Variants in AUTS2 observed in about 807,000 individuals in gnomAD.
AUTS2 encodes autism susceptibility gene 2 protein.
Under a neutral mutation model 112.4 loss-of-function variants are expected in AUTS2, and 17 were observed. That is an observed-to-expected ratio of 0.15 (90% CI 0.10 to 0.23). The LOEUF (loss-of-function observed/expected upper bound fraction) is 0.23. Ranked by LOEUF, AUTS2 falls within the 10% of genes least tolerant of loss-of-function variation. AUTS2 has a pLI of 1.00. For missense variants in AUTS2, 1,510 were observed against 1,701.6 expected (o/e 0.89, Z 1.98); for synonymous variants, 751 against 702.7 (o/e 1.07, Z -1.09).
intron 5 of AUTS2, among the ~76,000 whole-genome samples, chr7:70,559,328 CCTTT>C (rs1279906326): frequency 4.6e-5 from 7 of 151,674 alleles, no homozygotes; most frequent in African/African-American, 1.5e-4. Flanking sequence ...TTCTACCCTT[CCTTT>C]CTTTCTTTTT....
chr7:70,696,149 G>A (rs1453043544), intron 5 of AUTS2, among the ~76,000 whole-genome samples: 1 of 152,138 alleles, frequency 6.6e-6, no homozygotes, highest in Non-Finnish European at 1.5e-5. Context: ...TTGTACAAAT[G>A]CCCTAAAACC....
At chr7:69,680,469 G>A (rs976042874) in intron 1 of AUTS2, among the ~76,000 whole-genome samples, 1 of 152,108 alleles carries the variant, frequency 6.6e-6, no homozygotes, top group Non-Finnish European at 1.5e-5. Flanking sequence ...ATATTACAAA[G>A]TGTACCATCT....
At chr7:69,693,233 T>C (rs970371174) in intron 1 of AUTS2, among the ~76,000 whole-genome samples, 1 of 152,234 alleles carries the variant, frequency 6.6e-6, no homozygotes, top group Non-Finnish European at 1.5e-5. Flanking sequence ...CAACAGAGTG[T>C]GAAAACATCT....
intron 4 of AUTS2, among the ~76,000 whole-genome samples, chr7:70,273,292 C>A (rs921280069): frequency 6.6e-6 from 1 of 152,174 alleles, no homozygotes. Flanking sequence ...AATCTGCCGG[C>A]CTCAGCCACT....
At chr7:70,135,704 T>C (rs992493834) in intron 4 of AUTS2, among the ~76,000 whole-genome samples, 6 of 152,208 alleles carry the variant, frequency 3.9e-5, no homozygotes, top group Non-Finnish European at 7.3e-5. Context: ...AAGGATGATT[T>C]GGACCTGCTT....
chr7:70,767,722 T>G (rs1790028083), intron 9 of AUTS2, among the ~76,000 whole-genome samples: 1 of 152,204 alleles, frequency 6.6e-6, no homozygotes, highest in Admixed American at 6.5e-5. Flanking sequence ...ATCTGGATAA[T>G]TGGCTGTTCT....
intron 5 of AUTS2, among the ~76,000 whole-genome samples, chr7:70,613,592 T>C (rs1326468401): frequency 6.6e-6 from 1 of 152,102 alleles, no homozygotes; most frequent in African/African-American, 2.4e-5. Flanking sequence ...TAAGTCCCAC[T>C]GTGACAGTGT....
At chr7:70,182,297 C>A (rs1324232228) in intron 4 of AUTS2, among the ~76,000 whole-genome samples, 1 of 152,192 alleles carries the variant, frequency 6.6e-6, no homozygotes, top group Non-Finnish European at 1.5e-5. Flanking sequence ...TCATGCCTCT[C>A]AGTGATATTT....
intron 1 of AUTS2, among the ~76,000 whole-genome samples, chr7:69,818,830 C>A (rs1007048741): frequency 4.6e-5 from 7 of 152,214 alleles, no homozygotes; most frequent in Non-Finnish European, 1.0e-4. Flanking sequence ...ATCTTCTATG[C>A]TCATAAACAC....
At chr7:70,693,542 G>A (rs963634487) in intron 5 of AUTS2, among the ~76,000 whole-genome samples, 4 of 152,222 alleles carry the variant, frequency 2.6e-5, no homozygotes. Context: ...GGTGGGGAAG[G>A]AGGTTAGGTG....
In AUTS2 at chr7:69,765,395, T is replaced by C. The variant is rs934815601; in HGVS notation, c.310-133891T>C. ...ATTCTCATTCTGACTTTTAAAGCCT[T>C]TGAGGTCAGATGGGGGCAGGTCTCA... is the stretch of plus-strand genomic sequence containing the variant. On this transcript the variant is annotated intron_variant, in intron 1 of 18. Coordinates refer to ENST00000342771, the MANE Select transcript of AUTS2 (RefSeq NM_015570.4). 3.3e-4 allele frequency among the ~76,000 whole-genome samples: 50 copies of C among 152,170 alleles called. 1 individual carries two copies. The highest frequency in any genetic ancestry group is 1.6e-3 in the Admixed American group (24 of 15,280).
chr7:70,401,529 T>C (rs1794326501), intron 4 of AUTS2, among the ~76,000 whole-genome samples: 1 of 152,100 alleles, frequency 6.6e-6, no homozygotes, highest in Non-Finnish European at 1.5e-5. Flanking sequence ...GAGCAAGAAG[T>C]GGGCTGTGAT....
intron 2 of AUTS2, among the ~76,000 whole-genome samples, chr7:70,001,856 A>T (rs1301011222): frequency 2.0e-5 from 3 of 151,714 alleles, no homozygotes; most frequent in African/African-American, 7.3e-5. Context: ...GATTACAAGC[A>T]CGCACCACCA....
At chr7:69,929,059 A>G (rs545846760) in intron 2 of AUTS2, among the ~76,000 whole-genome samples, 1 of 152,342 alleles carries the variant, frequency 6.6e-6, no homozygotes, top group East Asian at 1.9e-4. Context: ...GAGAGAATTT[A>G]CTGATGATGA....
chr7:70,107,335 C>CTTTTTTTTT (rs35066322), intron 2 of AUTS2, among the ~76,000 whole-genome samples: 16 of 96,938 alleles, frequency 1.7e-4, no homozygotes, highest in Admixed American at 2.4e-4. Context: ...AGATGAGAAG[C>CTTTTTTTTT]TTTTTTTTTT....
At chr7:69,796,751 G>T (rs546588308) in intron 1 of AUTS2, among the ~76,000 whole-genome samples, 6 of 152,312 alleles carry the variant, frequency 3.9e-5, no homozygotes, top group African/African-American at 1.4e-4. Flanking sequence ...TAACTTGAGT[G>T]AGGATTATGA....
At chr7:70,132,713 C>T (rs138522437) in intron 3 of AUTS2, among the ~76,000 whole-genome samples, 1 of 152,196 alleles carries the variant, frequency 6.6e-6, no homozygotes, top group East Asian at 1.9e-4. Context: ...ACAGAGCTTT[C>T]CGAGACCTGA....
At position 69,996,928 on chromosome 7, in the gene AUTS2, G is replaced by A. The variant is rs577949472; in HGVS notation, c.522+97430G>A. On this transcript the variant is annotated intron_variant, in intron 2 of 18. Coordinates refer to ENST00000342771, the MANE Select transcript of AUTS2 (RefSeq NM_015570.4). Reference sequence around the variant, plus strand: ...GGTTTTCCAACCTGGCTCCTTTTTCGAAATAACCTGGAACACTTAAAAAAA... The same window carrying A: ...GGTTTTCCAACCTGGCTCCTTTTTCAAAATAACCTGGAACACTTAAAAAAA... Among the ~76,000 whole-genome samples, 147 of 116,938 alleles carry A rather than the reference G, an allele frequency of 1.3e-3. 1 individual carries two copies. Among genetic ancestry groups the A allele is most frequent in the South Asian group, 5.2e-3 (19 of 3,664 alleles). The allele number at this position is 116,938 out of a possible 152,430, so 76.7% of individuals were successfully genotyped here.
chr7:70,059,731 AT>A (rs1802156913), intron 2 of AUTS2, among the ~76,000 whole-genome samples: 1 of 152,100 alleles, frequency 6.6e-6, no homozygotes, highest in South Asian at 2.1e-4. Flanking sequence ...ACACGGTGTT[AT>A]GTTTTCGATG....
Sources: gnomAD v4.1 joint callset for allele counts (sites outside exome capture counted in the v4.1 genomes callset) on GRCh38, gnomAD v4.1.1 for gene constraint, MANE v1.5 for transcripts, NCBI Gene and HGNC (gene_info 2026-07-23, HGNC 2026-07-21) for gene names.